The following ATP2C2 variants were observed in gnomAD, a reference collection of about 807,000 sequenced individuals.
ATP2C2 encodes the protein ATPase secretory pathway Ca2+ transporting 2, also known as calcium-transporting ATPase type 2C member 2.
Under a neutral mutation model 110.8 loss-of-function variants are expected in ATP2C2, and 171 were observed. The observed-to-expected ratio is 1.54, with a 90% CI of 1.36 to 1.75. The LOEUF is 1.75. ATP2C2 is among the 40% of genes most tolerant of loss of function. The probability of loss-of-function intolerance (pLI) is 0.00; values close to 1 mark genes in which losing one functional copy is unlikely to be tolerated. For synonymous variants in ATP2C2, 804 were observed against 508.4 expected (o/e 1.58, Z -7.82); for missense variants, 1,963 against 1,235.0 (o/e 1.59, Z -8.84).
chr16:84,459,583 G>T (rs1256701479), intron 23 of ATP2C2, 197 bp downstream of exon 23: 1 of 1,536,012 alleles, frequency 6.5e-7, no homozygotes, highest in Admixed American at 2.0e-5. Flanking sequence ...ACCTGGGCCG[G>T]CAGAGCTGGG....
intron 1 of ATP2C2, among the ~76,000 whole-genome samples, chr16:84,372,645 C>T (rs1227180373): frequency 2.0e-5 from 3 of 151,680 alleles, no homozygotes; most frequent in African/African-American, 7.2e-5. Context: ...AGGCTGGTCT[C>T]GAACTCCTGA....
In ATP2C2 at chr16:84,368,573, G is replaced by A; in HGVS notation, c.-43G>A. The A allele has an allele frequency of 6.8e-7, 1 of 1,468,302 alleles. No homozygotes were observed. The highest frequency in any genetic ancestry group is 9.2e-7 in the Non-Finnish European group (1 of 1,083,188). 91.0% of individuals were successfully genotyped at this position (1,468,302 alleles called of 1,614,324 possible). ...GGCGCGCGCAGCCATCCCGGGCCTC[G>A]CCGGGGACCTAGGGACGCAGGCAAC... On this transcript the variant is annotated 5_prime_UTR_variant, in exon 1 of 27. Transcript: ENST00000262429.
chr16:84,444,776 G>A (rs907515885), intron 15 of ATP2C2, among the ~76,000 whole-genome samples: 1 of 152,118 alleles, frequency 6.6e-6, no homozygotes, highest in African/African-American at 2.4e-5. Flanking sequence ...TTTTTCCTGG[G>A]GCCTGGCTTA....
intron 11 of ATP2C2, among the ~76,000 whole-genome samples, chr16:84,429,455 C>T (rs117306704): frequency 2.0e-5 from 3 of 152,200 alleles, no homozygotes; most frequent in East Asian, 1.9e-4. Flanking sequence ...TTCCAGCCTT[C>T]GTGGAGCTTT....
At chr16:84,450,485 C>T (rs933331002) in intron 17 of ATP2C2, among the ~76,000 whole-genome samples, 1 of 152,096 alleles carries the variant, frequency 6.6e-6, no homozygotes, top group Non-Finnish European at 1.5e-5. Flanking sequence ...AGCACGGAGG[C>T]AGGAGTATCC....
chr16:84,412,491 C>A (rs1001523334), intron 6 of ATP2C2, among the ~76,000 whole-genome samples: 1 of 121,160 alleles, frequency 8.3e-6, no homozygotes, highest in Non-Finnish European at 1.7e-5. Flanking sequence ...TGTATGTGTG[C>A]ATGTGTGTAT....
intron 1 of ATP2C2, among the ~76,000 whole-genome samples, chr16:84,387,669 C>A (rs1258637039): frequency 1.3e-5 from 2 of 152,208 alleles, no homozygotes; most frequent in East Asian, 3.9e-4. Flanking sequence ...CAGTGAAGCT[C>A]ACAGCCTATT....
intron 7 of ATP2C2, among the ~76,000 whole-genome samples, chr16:84,417,683 G>A (rs1906961536): frequency 6.6e-6 from 1 of 152,160 alleles, no homozygotes; most frequent in Non-Finnish European, 1.5e-5. Context: ...CTTGAGCCCA[G>A]GAGTTCAAGA....
At position 84,372,604 on chromosome 16, in the gene ATP2C2, T is replaced by C. The variant is rs560568847; in HGVS notation, c.99+3890T>C. On this transcript the variant is annotated intron_variant, in intron 1 of 26. Coordinates refer to ENST00000262429, the MANE Select transcript of ATP2C2 (RefSeq NM_014861.4). ...CACACCCAGCTAATTTTTGTACTTT[T>C]AGTAGAGATGGGGGTTTCACCATGT... 4.9e-3 allele frequency among the ~76,000 whole-genome samples: 745 copies of C among 151,922 alleles called. 16 individuals carry two copies. The highest frequency in any genetic ancestry group is 6.4e-3 in the Non-Finnish European group (432 of 67,952).
chr16:84,422,572 C>G (rs765272369), intron 8 of ATP2C2, 33 bp downstream of exon 8: 1 of 1,611,758 alleles, frequency 6.2e-7, no homozygotes, highest in African/African-American at 1.3e-5. Flanking sequence ...CTTGGGCTCC[C>G]GTAACCCACA....
At chr16:84,394,904 C>A (rs1211444470) in intron 1 of ATP2C2, among the ~76,000 whole-genome samples, 5 of 152,132 alleles carry the variant, frequency 3.3e-5, no homozygotes, top group African/African-American at 1.2e-4. Context: ...AAGTCACATT[C>A]TGGTGTACCA....
At chr16:84,409,988 C>A (rs981497165) in intron 4 of ATP2C2, among the ~76,000 whole-genome samples, 20 of 151,998 alleles carry the variant, frequency 1.3e-4, no homozygotes, top group African/African-American at 4.4e-4. Context: ...GGGGGTGGAT[C>A]ACGAGGTCAG....
intron 24 of ATP2C2, 86 bp from the exon 25 acceptor site, chr16:84,461,628 A>T (rs1009031498): frequency 8.2e-7 from 1 of 1,213,052 alleles, no homozygotes; most frequent in African/African-American, 1.5e-5. Flanking sequence ...ATGCCCCAGG[A>T]GCAGTGAGGC....
At chr16:84,434,586 C>T (rs537153054) in intron 11 of ATP2C2, among the ~76,000 whole-genome samples, 6 of 151,530 alleles carry the variant, frequency 4.0e-5, no homozygotes, top group African/African-American at 4.8e-5. Context: ...GATGTGATCT[C>T]GGCTCACTGC....
Position 84,461,789 on chromosome 16 carries a change from A to G in ATP2C2, c.2557A>G (p.Asn853Asp). 6.2e-7 allele frequency: 1 copy of G among 1,614,178 alleles called. No individual in the cohort carries two copies. The highest frequency in any genetic ancestry group is 1.1e-5 in the South Asian group (1 of 91,084). The part of the protein sequence containing the change: ...FTCFVFFDLF[N>D]ALTCRSQTKL... ...TTGTTTTGTGTTTTTCGATCTCTTC[A>G]ACGCCTTGACCTGCCGCTCTCAGGT... The change falls in exon 25 of 27, where the codon AAC (asparagine) becomes GAC (aspartate). Residue 853 changes from asparagine (N) to aspartate (D), a missense_variant. Transcript: ENST00000262429.
At chr16:84,387,136 AC>A (rs35296030) in intron 1 of ATP2C2, among the ~76,000 whole-genome samples, 49,690 of 151,772 alleles carry the variant, frequency 0.33, 8,279 homozygotes, top group South Asian at 0.42. Context: ...GACTGCGATA[AC>A]CCCAGACTGA....
chr16:84,461,182 TG>T (rs1245005525), intron 24 of ATP2C2: 1 of 257,228 alleles, frequency 3.9e-6, no homozygotes, highest in Admixed American at 5.0e-5. Flanking sequence ...GATCTAGGCC[TG>T]GGTCACCTTT....
intron 16 of ATP2C2, among the ~76,000 whole-genome samples, chr16:84,447,930 C>T (rs924166510): frequency 6.6e-6 from 1 of 151,052 alleles, no homozygotes; most frequent in Non-Finnish European, 1.5e-5. Context: ...AACAGTGTTA[C>T]ATTCACACTG....
intron 1 of ATP2C2, among the ~76,000 whole-genome samples, chr16:84,389,908 A>C (rs1904550545): frequency 6.6e-6 from 1 of 151,966 alleles, no homozygotes; most frequent in East Asian, 1.9e-4. Flanking sequence ...TTTTTAGTAG[A>C]GACAGGGTTT....
Sources: gnomAD v4.1 joint callset for allele counts (sites outside exome capture counted in the v4.1 genomes callset) on GRCh38, gnomAD v4.1.1 for gene constraint, MANE v1.5 for transcripts, NCBI Gene and HGNC (gene_info 2026-07-23, HGNC 2026-07-21) for gene names.